The following HMX3 variants were observed in gnomAD, a reference collection of about 807,000 sequenced individuals.
HMX3 encodes the protein H6 family homeobox 3, also known as homeobox protein HMX3.
HMX3 carries 8 observed loss-of-function variants against 22.8 expected under a neutral mutation model. That is an observed-to-expected ratio of 0.35 (90% CI 0.21 to 0.63). The LOEUF is 0.63. Ranked by LOEUF, HMX3 falls within the 30% of genes least tolerant of loss-of-function variation. The pLI, the probability that HMX3 is intolerant of heterozygous loss-of-function variation, is 0.72. For missense variants in HMX3, 527 were observed against 520.6 expected (o/e 1.01, Z -0.12); for synonymous variants, 331 against 250.9 (o/e 1.32, Z -3.02).
rs1254449388 is a variant in HMX3 at position 123,136,225 on chromosome 10, G to A, written c.175G>A (p.Ala59Thr). The change falls in exon 1 of 2, where the codon GCC (alanine) becomes ACC (threonine). Residue 59 changes from alanine (A) to threonine (T), a missense_variant. Around this residue, in one of 3 missense-constraint regions of HMX3, gnomAD observed 386 missense variants for 337.8 expected, o/e 1.14. Transcript: ENST00000357878. This position sits in a 1 kb window ranked among gnomAD's most constrained non-coding sequence, Gnocchi z 4.8. Reference protein sequence around the residue: ...QPPPRTLFAPASAAAAAAAAA... With the variant: ...QPPPRTLFAPTSAAAAAAAAA... ...GCCCCCACGGACGCTCTTCGCGCCA[G>A]CCTCGGCTGCCGCCGCCGCCGCCGC... 3 of 1,337,112 alleles carry A rather than the reference G, an allele frequency of 2.2e-6. No homozygotes were observed. The highest frequency in any genetic ancestry group is 2.9e-6 in the Non-Finnish European group (3 of 1,047,896). The allele number at this position is 1,337,112 out of a possible 1,614,324, so 82.8% of individuals were successfully genotyped here. A position where few individuals can be genotyped will look rare whatever the true frequency, so the allele number is the denominator to read the frequency against.
chr10:123,137,669 C>T lies in HMX3; in HGVS notation c.1012C>T (p.Pro338Ser). The change falls in exon 2 of 2, where the codon CCG (proline) becomes TCG (serine). Residue 338 changes from proline to serine, a missense_variant. Around this residue, in one of 3 missense-constraint regions of HMX3, gnomAD observed 100 missense variants for 102.3 expected, o/e 0.98. Transcript: ENST00000357878. The surrounding 1 kb of genome is among the most constrained non-coding windows in gnomAD (Gnocchi z 5.8). ...AGTCAGCCAGCCGCTGCTCACCTTC[C>T]CGCACCCCGTCTACTACTCGCACCC... ...VPVSQPLLTF[P>S]HPVYYSHPVV... is the part of the protein sequence containing the mutation. 2 of 1,490,208 alleles carry T rather than the reference C, an allele frequency of 1.3e-6. No homozygotes were observed. Among genetic ancestry groups the T allele is most frequent in the Non-Finnish European group, 1.8e-6 (2 of 1,128,368 alleles). 92.3% of individuals were successfully genotyped at this position (1,490,208 alleles called of 1,614,324 possible). A position where few individuals can be genotyped will look rare whatever the true frequency, so the allele number is the denominator to read the frequency against.
rs1255954433 is a variant in HMX3, at chr10:123,137,328, C to T, written c.671C>T (p.Ala224Val). ...KGAESPEKKP[A>V]CRKKKTRTVF... ...GCTGAAAGTCCAGAGAAGAAGCCGG[C>T]GTGCCGCAAGAAGAAGACGCGCACA... is the stretch of plus-strand genomic sequence containing the variant. The change falls in exon 2 of 2, where the codon GCG becomes GTG. Residue 224 changes from alanine to valine, a missense_variant. Ala to Val is a moderately conservative substitution (Grantham distance 64). Coordinates refer to ENST00000357878, the MANE Select transcript of HMX3 (RefSeq NM_001105574.2). This position sits in a 1 kb window ranked among gnomAD's most constrained non-coding sequence, Gnocchi z 5.8. The T allele has an allele frequency of 3.1e-6, 5 of 1,610,964 alleles. No homozygotes were observed. The African/African-American group carries it at 5.3e-5, about 17-fold the overall frequency.
Position 123,136,137 on chromosome 10 carries a change from C to A in HMX3, c.87C>A (p.Ser29=). Residue 29 remains serine (S), a synonymous_variant, in exon 1 of 2, where the codon TCC becomes TCA. Transcript: ENST00000357878. The surrounding 1 kb of genome is among the most constrained non-coding windows in gnomAD (Gnocchi z 4.8). ...PPPPPPAPKE[S]PFSIKNLLNG... The stretch of plus-strand genomic sequence containing the variant: ...CCCCCCCACCCGCTCCCAAGGAGTC[C>A]CCGTTCTCCATCAAGAACCTGCTCA... 7.1e-7 allele frequency: 1 copy of A among 1,407,270 alleles called. No individual in the cohort carries two copies. Among genetic ancestry groups the A allele is most frequent in the Non-Finnish European group, 9.3e-7 (1 of 1,078,216 alleles). The allele number at this position is 1,407,270 out of a possible 1,614,324, so 87.2% of individuals were successfully genotyped here.
chr10:123,137,224 C>CG lies in HMX3; in HGVS notation c.568dup (p.Glu190GlyfsTer28). On this transcript the variant is annotated frameshift_variant, in exon 2 of 2. Coordinates refer to ENST00000357878, the MANE Select transcript of HMX3 (RefSeq NM_001105574.2). LOFTEE classifies it high-confidence loss of function. The surrounding 1 kb of genome is among the most constrained non-coding windows in gnomAD (Gnocchi z 5.8). ...ACTCCGAGGAAAGCAAAAAGGAAGGCGAAGCGGCGCCAGGCGCGGCCGGGG... is the reference window on the plus strand; with the variant it reads ...ACTCCGAGGAAAGCAAAAAGGAAGGCGGAAGCGGCGCCAGGCGCGGCCGGGG... 6.3e-7 allele frequency: 1 copy of CG among 1,595,878 alleles called. No homozygotes were observed. Among genetic ancestry groups the CG allele is most frequent in the Non-Finnish European group, 8.5e-7 (1 of 1,171,368 alleles).
Position 123,136,751 on chromosome 10 carries a change from G to T in HMX3, c.400+301G>T, listed in dbSNP as rs1180847263. Among the ~76,000 whole-genome samples the T allele has an allele frequency of 6.6e-6, 1 of 152,136 alleles. No homozygotes were observed. The highest frequency in any genetic ancestry group is 1.5e-5 in the Non-Finnish European group (1 of 68,018). On this transcript the variant is annotated intron_variant, in intron 1 of 1. Coordinates refer to ENST00000357878, the MANE Select transcript of HMX3 (RefSeq NM_001105574.2). This position sits in a 1 kb window ranked among gnomAD's most constrained non-coding sequence, Gnocchi z 4.8. ...TTGGGACACGGCCTGGAAGGAGGGG[G>T]TGATTCCAATGCGCCTAAGCCGAAA...
Position 123,136,004 on chromosome 10 carries a change from C to G in HMX3, c.-47C>G. On this transcript the variant is annotated 5_prime_UTR_variant, in exon 1 of 2. Coordinates refer to ENST00000357878, the MANE Select transcript of HMX3 (RefSeq NM_001105574.2). The surrounding 1 kb of genome is among the most constrained non-coding windows in gnomAD (Gnocchi z 4.8). ...CCTCTCGCCTGCTCGCCCCGCCGCCCGCCTGTCCCGCTCCCTCCCTCCCGG... is the reference window on the plus strand; with the variant it reads ...CCTCTCGCCTGCTCGCCCCGCCGCCGGCCTGTCCCGCTCCCTCCCTCCCGG... 7.6e-7 allele frequency: 1 copy of G among 1,314,946 alleles called. No homozygotes were observed. The highest frequency in any genetic ancestry group is 9.7e-7 in the Non-Finnish European group (1 of 1,029,886). The allele number at this position is 1,314,946 out of a possible 1,614,324, so 81.5% of individuals were successfully genotyped here.
rs2133550221 is a variant in HMX3 at position 123,137,841 on chromosome 10, C to G, written c.*110C>G. On this transcript the variant is annotated 3_prime_UTR_variant, in exon 2 of 2. Transcript: ENST00000357878. The surrounding 1 kb of genome is among the most constrained non-coding windows in gnomAD (Gnocchi z 5.8). ...GTCCAGCGGCCTTCAGGAACTGGGG[C>G]TTGGGCGCGCAGCCTCTGCTTCCCC... 1.4e-6 allele frequency: 1 copy of G among 739,278 alleles called. No homozygotes were observed. The highest frequency in any genetic ancestry group is 3.1e-5 in the East Asian group (1 of 31,826). 45.8% of individuals were successfully genotyped at this position (739,278 alleles called of 1,614,324 possible).
At position 123,138,161 on chromosome 10, in the gene HMX3, TCCG is replaced by T. The variant is rs1844099366; in HGVS notation, c.*431_*433del. ...ATTCTTTTCTGCTTTTTTTTTTTTT[TCCG>T]AGACGGAATCTTGCTCTATCTATTG... On this transcript the variant is annotated 3_prime_UTR_variant, in exon 2 of 2. Transcript: ENST00000357878. Among the ~76,000 whole-genome samples, 4 of 146,832 alleles carry T rather than the reference TCCG, an allele frequency of 2.7e-5. No homozygotes were observed. The highest frequency in any genetic ancestry group is 2.2e-4 in the South Asian group (1 of 4,544).
At position 123,137,656 on chromosome 10, in the gene HMX3, G is replaced by A. The variant is rs756775163; in HGVS notation, c.999G>A (p.Pro333=). The A allele has an allele frequency of 1.3e-6, 2 of 1,502,378 alleles. No homozygotes were observed. The highest frequency in any genetic ancestry group is 1.8e-6 in the Non-Finnish European group (2 of 1,134,926). The allele number at this position is 1,502,378 out of a possible 1,614,324, so 93.1% of individuals were successfully genotyped here. The change falls in exon 2 of 2, where the codon CCG becomes CCA. Residue 333 remains proline, a synonymous_variant. Transcript: ENST00000357878. This position sits in a 1 kb window ranked among gnomAD's most constrained non-coding sequence, Gnocchi z 5.8. ...GGGCCCCGGTGCCAGTCAGCCAGCC[G>A]CTGCTCACCTTCCCGCACCCCGTCT... ...AAGAPVPVSQ[P]LLTFPHPVYY... is the part of the protein sequence containing the mutation.
chr10:123,137,172 C>T lies in HMX3; in HGVS notation c.515C>T (p.Pro172Leu). The T allele has an allele frequency of 3.7e-6, 6 of 1,603,690 alleles. No individual in the cohort carries two copies. Among genetic ancestry groups the T allele is most frequent in the East Asian group, 4.5e-5 (2 of 44,428 alleles). Residue 172 changes from proline to leucine, a missense_variant, in exon 2 of 2, where the codon CCG (proline) becomes CTG (leucine). Transcript: ENST00000357878. The surrounding 1 kb of genome is among the most constrained non-coding windows in gnomAD (Gnocchi z 5.8). Reference protein sequence around the residue: ...PDHKELDSKSPDEIILEESDS... With the variant: ...PDHKELDSKSLDEIILEESDS... ...CACAAGGAGCTGGACTCCAAGAGCCCGGACGAGATCATTCTGGAGGAGAGC... is the reference window on the plus strand; with the variant it reads ...CACAAGGAGCTGGACTCCAAGAGCCTGGACGAGATCATTCTGGAGGAGAGC...
In HMX3 at chr10:123,137,957, T is replaced by G. The variant is rs1269325786; in HGVS notation, c.*226T>G. On this transcript the variant is annotated 3_prime_UTR_variant, in exon 2 of 2. Transcript: ENST00000357878. This position sits in a 1 kb window ranked among gnomAD's most constrained non-coding sequence, Gnocchi z 5.8. ...TTGGAGGCGCTTCCCCTCTTACTTT[T>G]GGTTTTTGGCTTATATTAAGAGAAA... Among the ~76,000 whole-genome samples, 1 of 152,240 alleles carries G rather than the reference T, an allele frequency of 6.6e-6. No homozygotes were observed. The highest frequency in any genetic ancestry group is 1.5e-5 in the Non-Finnish European group (1 of 68,036).
Position 123,136,048 on chromosome 10 carries a change from A to C in HMX3, c.-3A>C. On this transcript the variant is annotated 5_prime_UTR_variant, in exon 1 of 2. Coordinates refer to ENST00000357878, the MANE Select transcript of HMX3 (RefSeq NM_001105574.2). The surrounding 1 kb of genome is among the most constrained non-coding windows in gnomAD (Gnocchi z 4.8). ...CTCCCGGGGACCCGGAGGAGAGGGG[A>C]CCATGCCGGAACCCGGGCCGGACGC... 7.3e-7 allele frequency: 1 copy of C among 1,372,236 alleles called. No homozygotes were observed. The highest frequency in any genetic ancestry group is 9.4e-7 in the Non-Finnish European group (1 of 1,061,784). 85.0% of individuals were successfully genotyped at this position (1,372,236 alleles called of 1,614,324 possible).
Position 123,137,141 on chromosome 10 carries a change from C to G in HMX3, c.484C>G (p.Pro162Ala). The change falls in exon 2 of 2, where the codon CCC becomes GCC. Residue 162 changes from proline to alanine, a missense_variant. Pro to Ala is a conservative substitution (Grantham distance 27, BLOSUM62 -1). This residue lies in a region of HMX3 where 386 missense variants were observed against 337.8 expected (regional missense o/e 1.14). Coordinates refer to ENST00000357878, the MANE Select transcript of HMX3 (RefSeq NM_001105574.2). This position sits in a 1 kb window ranked among gnomAD's most constrained non-coding sequence, Gnocchi z 5.8. ...DSPEPLLKAD[P>A]DHKELDSKSP... ...TCCGGAGCCACTGCTCAAGGCCGAC[C>G]CCGATCACAAGGAGCTGGACTCCAA... is the stretch of plus-strand genomic sequence containing the variant. 3 of 1,608,454 alleles carry G rather than the reference C, an allele frequency of 1.9e-6. No homozygotes were observed. The highest frequency in any genetic ancestry group is 2.5e-6 in the Non-Finnish European group (3 of 1,177,698).
At position 123,137,582 on chromosome 10, in the gene HMX3, C is replaced by G; in HGVS notation, c.925C>G (p.Leu309Val). Residue 309 changes from leucine (L) to valine (V), a missense_variant, in exon 2 of 2, where the codon CTC (leucine) becomes GTC (valine). By Grantham distance (32) the Leu-to-Val change is conservative (BLOSUM62 1). This residue lies in a region of HMX3 where 100 missense variants were observed against 102.3 expected (regional missense o/e 0.98). Transcript: ENST00000357878. This position sits in a 1 kb window ranked among gnomAD's most constrained non-coding sequence, Gnocchi z 5.8. The stretch of plus-strand genomic sequence containing the variant: ...GCAGCGCATCGTGCGGGTGCCCATC[C>G]TCTACCACGAGAACTCGGCGGCCGA... ...AAQRIVRVPI[L>V]YHENSAAEGA... The G allele has an allele frequency of 6.2e-7, 1 of 1,602,448 alleles. No individual in the cohort carries two copies. Among genetic ancestry groups the G allele is most frequent in the Non-Finnish European group, 8.5e-7 (1 of 1,175,972 alleles).
Position 123,137,864 on chromosome 10 carries a change from C to A in HMX3, c.*133C>A. On this transcript the variant is annotated 3_prime_UTR_variant, in exon 2 of 2. Coordinates refer to ENST00000357878, the MANE Select transcript of HMX3 (RefSeq NM_001105574.2). The surrounding 1 kb of genome is among the most constrained non-coding windows in gnomAD (Gnocchi z 5.8). ...GGCTTGGGCGCGCAGCCTCTGCTTC[C>A]CCTCCCCCAGTCGGTAGCATTTTGT... 1 of 578,708 alleles carries A rather than the reference C, an allele frequency of 1.7e-6. No homozygotes were observed. Among genetic ancestry groups the A allele is most frequent in the Non-Finnish European group, 2.8e-6 (1 of 352,778 alleles). 35.8% of individuals were successfully genotyped at this position (578,708 alleles called of 1,614,324 possible).
chr10:123,137,807 C>T lies in HMX3; in HGVS notation c.*76C>T. On this transcript the variant is annotated 3_prime_UTR_variant, in exon 2 of 2. Coordinates refer to ENST00000357878, the MANE Select transcript of HMX3 (RefSeq NM_001105574.2). This position sits in a 1 kb window ranked among gnomAD's most constrained non-coding sequence, Gnocchi z 5.8. ...GGAGGAGACTGGGCCGGGCCGAGGG[C>T]GCCGAGAAGTCCAGCGGCCTTCAGG... 1 of 1,173,556 alleles carries T rather than the reference C, an allele frequency of 8.5e-7. No individual in the cohort carries two copies. The highest frequency in any genetic ancestry group is 1.8e-5 in the South Asian group (1 of 54,134). The allele number at this position is 1,173,556 out of a possible 1,614,324, so 72.7% of individuals were successfully genotyped here. A position where few individuals can be genotyped will look rare whatever the true frequency, so the allele number is the denominator to read the frequency against.
At position 123,137,802 on chromosome 10, in the gene HMX3, G is replaced by A. The variant is rs777968583; in HGVS notation, c.*71G>A. On this transcript the variant is annotated 3_prime_UTR_variant, in exon 2 of 2. Coordinates refer to ENST00000357878, the MANE Select transcript of HMX3 (RefSeq NM_001105574.2). This position sits in a 1 kb window ranked among gnomAD's most constrained non-coding sequence, Gnocchi z 5.8. ...ACCCCGGAGGAGACTGGGCCGGGCC[G>A]AGGGCGCCGAGAAGTCCAGCGGCCT... is the stretch of plus-strand genomic sequence containing the variant. 97 of 1,215,660 alleles carry A rather than the reference G, an allele frequency of 8.0e-5. No individual in the cohort carries two copies. The highest frequency in any genetic ancestry group is 9.9e-5 in the Non-Finnish European group (91 of 922,018). The allele number at this position is 1,215,660 out of a possible 1,614,324, so 75.3% of individuals were successfully genotyped here. A position where few individuals can be genotyped will look rare whatever the true frequency, so the allele number is the denominator to read the frequency against.
rs1180902001 is a variant in HMX3, at chr10:123,137,797, G to C, written c.*66G>C. 3 of 1,242,682 alleles carry C rather than the reference G, an allele frequency of 2.4e-6. No homozygotes were observed. The highest frequency in any genetic ancestry group is 3.5e-5 in the South Asian group (2 of 56,862). The allele number at this position is 1,242,682 out of a possible 1,614,324, so 77.0% of individuals were successfully genotyped here. On this transcript the variant is annotated 3_prime_UTR_variant, in exon 2 of 2. Coordinates refer to ENST00000357878, the MANE Select transcript of HMX3 (RefSeq NM_001105574.2). This position sits in a 1 kb window ranked among gnomAD's most constrained non-coding sequence, Gnocchi z 5.8. The stretch of plus-strand genomic sequence containing the variant: ...TCCGGACCCCGGAGGAGACTGGGCC[G>C]GGCCGAGGGCGCCGAGAAGTCCAGC...
In HMX3 at chr10:123,138,092, T is replaced by C. The variant is rs992014290; in HGVS notation, c.*361T>C. On this transcript the variant is annotated 3_prime_UTR_variant, in exon 2 of 2. Coordinates refer to ENST00000357878, the MANE Select transcript of HMX3 (RefSeq NM_001105574.2). ...TGCGCGGTGGCTTTTTGGTTTTATT[T>C]TTATAGAAGGAAAATAAGCGCAAAA... 3.3e-5 allele frequency among the ~76,000 whole-genome samples: 5 copies of C among 152,026 alleles called. No individual in the cohort carries two copies. The highest frequency in any genetic ancestry group is 1.3e-4 in the Admixed American group (2 of 15,276).
Sources: allele counts gnomAD v4.1 joint callset (sites outside exome capture counted in the v4.1 genomes callset), GRCh38; gene constraint gnomAD v4.1.1; regional missense constraint gnomAD v4.1.1; non-coding constraint Gnocchi (gnomAD v3.1); transcripts MANE v1.5; gene names NCBI Gene and HGNC (gene_info 2026-07-23, HGNC 2026-07-21).